Variants in CACNB4 observed in about 807,000 individuals in gnomAD.
CACNB4 encodes voltage-dependent L-type calcium channel subunit beta-4.
In CACNB4, 32 loss-of-function variants were observed where a neutral mutation model predicts 71.2. The ratio of observed to expected loss-of-function variants is 0.45; its 90% CI spans 0.34 to 0.60. The LOEUF (loss-of-function observed/expected upper bound fraction) is 0.60. Ranked by LOEUF, CACNB4 falls within the 20% of genes least tolerant of loss-of-function variation. CACNB4 has a pLI of 0.01. For synonymous variants in CACNB4, 231 were observed against 236.9 expected (o/e 0.97, Z 0.23); for missense variants, 464 against 647.9 (o/e 0.72, Z 3.08).
chr2:151,889,967 C>G (rs1030978531), intron 2 of CACNB4, among the ~76,000 whole-genome samples: 2 of 152,136 alleles, frequency 1.3e-5, no homozygotes, highest in Middle Eastern at 6.3e-3. Flanking sequence ...ACCAAGGTTG[C>G]TGTGTTTACT....
At chr2:152,014,210 G>C (rs888459444) in intron 2 of CACNB4, among the ~76,000 whole-genome samples, 10 of 151,778 alleles carry the variant, frequency 6.6e-5, no homozygotes, top group Non-Finnish European at 1.2e-4. Flanking sequence ...AGCTGGGCAT[G>C]GTGACGGACA....
At chr2:151,877,071 ATAGATAT>A (rs2099846598) in intron 4 of CACNB4, among the ~76,000 whole-genome samples, 2 of 79,082 alleles carry the variant, frequency 2.5e-5, no homozygotes, top group African/African-American at 9.2e-5. Flanking sequence ...ATATATACAC[ATAGATAT>A]CTATATATAC....
intron 2 of CACNB4, among the ~76,000 whole-genome samples, chr2:152,087,659 C>T (rs1452980015): frequency 6.6e-6 from 1 of 151,928 alleles, no homozygotes; most frequent in African/African-American, 2.4e-5. Context: ...CTGGTGTGAA[C>T]AATATGTTAA....
At chr2:151,874,128 C>A (rs1250291818) in intron 5 of CACNB4, 1 of 146,674 alleles carries the variant, frequency 6.8e-6, no homozygotes, top group Non-Finnish European at 1.5e-5. Flanking sequence ...GTCTACAGAA[C>A]CATGACAATT....
intron 2 of CACNB4, among the ~76,000 whole-genome samples, chr2:151,897,945 T>C (rs929480245): frequency 8.5e-5 from 13 of 152,176 alleles, no homozygotes; most frequent in Non-Finnish European, 4.4e-5. Flanking sequence ...GTGAGGCCAA[T>C]TTGCTGTTGT....
At chr2:152,019,732 G>A (rs530615970) in intron 2 of CACNB4, among the ~76,000 whole-genome samples, 1 of 152,372 alleles carries the variant, frequency 6.6e-6, no homozygotes, top group South Asian at 2.1e-4. Flanking sequence ...CCAAATGTGT[G>A]TGTGCATACA....
chr2:151,957,316 T>G (rs2099868566), intron 2 of CACNB4, among the ~76,000 whole-genome samples: 1 of 107,922 alleles, frequency 9.3e-6, no homozygotes, highest in African/African-American at 2.9e-5. Context: ...TGGGAATCCC[T>G]GATAAAATAT....
chr2:151,962,494 C>T (rs1271512688), intron 2 of CACNB4, among the ~76,000 whole-genome samples: 7 of 152,008 alleles, frequency 4.6e-5, no homozygotes, highest in Non-Finnish European at 8.8e-5. Flanking sequence ...CTGAATCATG[C>T]AAATGTTTCT....
intron 2 of CACNB4, among the ~76,000 whole-genome samples, chr2:151,919,873 C>A (rs1423352957): frequency 6.7e-6 from 1 of 148,714 alleles, no homozygotes; most frequent in African/African-American, 2.5e-5. Context: ...AACAACAAAA[C>A]CTGAATTATT....
intron 10 of CACNB4, chr2:151,860,273 T>A (rs572572258): frequency 2.8e-4 from 57 of 200,898 alleles, no homozygotes; most frequent in African/African-American, 1.0e-3. Context: ...TGCATGTTAC[T>A]AATGGTCATT....
At chr2:151,861,429 T>A (rs1482138439) in intron 9 of CACNB4, 1 of 152,344 alleles carries the variant, frequency 6.6e-6, no homozygotes. Flanking sequence ...TTCTTCAGCA[T>A]ATTTGCATAA....
At chr2:151,891,154 A>G (rs1158404653) in intron 2 of CACNB4, among the ~76,000 whole-genome samples, 2 of 152,330 alleles carry the variant, frequency 1.3e-5, no homozygotes, top group South Asian at 2.1e-4. Context: ...AAGTTGGCCA[A>G]TCTCACCCTT....
intron 12 of CACNB4, among the ~76,000 whole-genome samples, chr2:151,844,454 G>T (rs1304504700): frequency 6.6e-6 from 1 of 152,168 alleles, no homozygotes; most frequent in African/African-American, 2.4e-5. Flanking sequence ...ATGGAAGAAA[G>T]AGATCATATG....
intron 2 of CACNB4, among the ~76,000 whole-genome samples, chr2:151,950,935 CATTT>C (rs1426743933): frequency 1.3e-5 from 2 of 152,156 alleles, no homozygotes; most frequent in African/African-American, 2.4e-5. Context: ...CTGAATTGTT[CATTT>C]ATTTATTTAT....
intron 2 of CACNB4, among the ~76,000 whole-genome samples, chr2:152,042,385 T>G (rs1311114283): frequency 1.3e-5 from 2 of 152,216 alleles, no homozygotes; most frequent in Non-Finnish European, 2.9e-5. Flanking sequence ...ACCATATTTC[T>G]TGGAGCCTCT....
intron 2 of CACNB4, among the ~76,000 whole-genome samples, chr2:152,028,784 A>C (rs1396237211): frequency 6.6e-6 from 1 of 152,244 alleles, no homozygotes; most frequent in Non-Finnish European, 1.5e-5. Flanking sequence ...ATAAGCAACA[A>C]GGAGCTCACA....
At chr2:151,879,144 G>T (rs116187391) in intron 4 of CACNB4, among the ~76,000 whole-genome samples, 1 of 152,190 alleles carries the variant, frequency 6.6e-6, no homozygotes, top group Non-Finnish European at 1.5e-5. Context: ...AACAGACCAT[G>T]AGTCATAGTT....
chr2:151,875,822 C>T (rs1341536145), intron 5 of CACNB4, among the ~76,000 whole-genome samples: 3 of 138,448 alleles, frequency 2.2e-5, no homozygotes, highest in East Asian at 2.4e-4. Context: ...CCCTCCCGGA[C>T]GGGGCGTCTC....
In CACNB4 at chr2:152,002,757, T is replaced by A. The variant is rs375836500; in HGVS notation, c.147+95573A>T. On this transcript the variant is annotated intron_variant, in intron 2 of 13. Coordinates refer to ENST00000539935, the MANE Select transcript of CACNB4 (RefSeq NM_000726.5). ...GCTATTATCATTCACACCAAATAGA[T>A]ACAGCAGCATCAAAATGAGCTTGAT... 9.8e-5 allele frequency among the ~76,000 whole-genome samples: 15 copies of A among 152,350 alleles called. No individual in the cohort carries two copies. In the East Asian group the frequency reaches 1.5e-3, roughly 16 times the overall value.
Sources: allele counts gnomAD v4.1 joint callset (sites outside exome capture counted in the v4.1 genomes callset), GRCh38; gene constraint gnomAD v4.1.1; transcripts MANE v1.5; gene names NCBI Gene and HGNC (gene_info 2026-07-23, HGNC 2026-07-21).